CADM1: variants seen among roughly 807,000 people sequenced by gnomAD.
CADM1 encodes the protein TSLC-1.
CADM1 carries 15 observed loss-of-function variants against 53.1 expected under a neutral mutation model. The observed-to-expected ratio is 0.28, with a 90% CI of 0.19 to 0.44. The LOEUF is 0.44. Ranked by LOEUF, CADM1 falls within the 20% of genes least tolerant of loss-of-function variation. The pLI, the probability that CADM1 is intolerant of heterozygous loss-of-function variation, is 1.00. For missense variants in CADM1, 434 were observed against 611.3 expected (o/e 0.71, Z 3.06); for synonymous variants, 281 against 243.0 (o/e 1.16, Z -1.45).
chr11:115,236,222 G>A (rs1591631685), intron 3 of CADM1, among the ~76,000 whole-genome samples: 1 of 152,250 alleles, frequency 6.6e-6, no homozygotes, highest in Middle Eastern at 3.4e-3. Flanking sequence ...AGATAGCAAC[G>A]AAGATGCTAC....
At chr11:115,378,471 G>C (rs983808604) in intron 1 of CADM1, among the ~76,000 whole-genome samples, 1 of 151,904 alleles carries the variant, frequency 6.6e-6, no homozygotes, top group African/African-American at 2.4e-5. Flanking sequence ...AAAACTGCAC[G>C]GATACAGAGC....
chr11:115,185,976 C>G (rs1939526304), intron 10 of CADM1, among the ~76,000 whole-genome samples: 1 of 152,172 alleles, frequency 6.6e-6, no homozygotes, highest in African/African-American at 2.4e-5. Flanking sequence ...CTCACCGTGG[C>G]CTGCCAACTT....
intron 1 of CADM1, among the ~76,000 whole-genome samples, chr11:115,477,494 C>G (rs945848910): frequency 5.9e-5 from 9 of 152,142 alleles, no homozygotes; most frequent in African/African-American, 2.2e-4. Flanking sequence ...GTCAACAGAT[C>G]CATAAAATAT....
chr11:115,396,319 G>C (rs1028468660), intron 1 of CADM1, among the ~76,000 whole-genome samples: 6 of 152,274 alleles, frequency 3.9e-5, no homozygotes, highest in Admixed American at 2.0e-4. Context: ...AAAAAATGGT[G>C]TATCAATTTA....
intron 1 of CADM1, among the ~76,000 whole-genome samples, chr11:115,474,881 A>G (rs1470586579): frequency 6.6e-6 from 1 of 152,206 alleles, no homozygotes; most frequent in Admixed American, 6.5e-5. Context: ...ATCTCTACAT[A>G]CTTACTAGAA....
intron 1 of CADM1, among the ~76,000 whole-genome samples, chr11:115,318,525 T>G (rs7947198): frequency 0.26 from 39,225 of 152,082 alleles, 5,368 homozygotes; most frequent in East Asian, 0.44. Flanking sequence ...ATCTGGAGAC[T>G]AGGGAGATGT....
At chr11:115,387,234 T>C (rs1415313091) in intron 1 of CADM1, among the ~76,000 whole-genome samples, 1 of 152,212 alleles carries the variant, frequency 6.6e-6, no homozygotes, top group Non-Finnish European at 1.5e-5. Context: ...ATGAACCCCA[T>C]TTGCTATAAA....
intron 1 of CADM1, among the ~76,000 whole-genome samples, chr11:115,271,376 G>A (rs562208813): frequency 2.0e-4 from 31 of 152,176 alleles, no homozygotes; most frequent in African/African-American, 6.5e-4. Context: ...TCTGCCTCCC[G>A]GGTTCATGCC....
In CADM1 at chr11:115,404,349, ATATATAT is replaced by A. The variant is rs1565410053; in HGVS notation, c.124+99915_124+99921del. On this transcript the variant is annotated intron_variant, in intron 1 of 11. Coordinates refer to ENST00000331581, the MANE Select transcript of CADM1 (RefSeq NM_001301043.2). ...TCGGAAAAAAAAAAAAAAAAAAAAT[ATATATAT>A]ATATATATATATATATATATATATA... 8.8e-3 allele frequency among the ~76,000 whole-genome samples: 203 copies of A among 23,182 alleles called. 5 individuals are homozygous for A. The highest frequency in any genetic ancestry group is 0.067 in the Middle Eastern group (2 of 30). The allele number at this position is 23,182 out of a possible 152,430, so 15.2% of individuals were successfully genotyped here.
At chr11:115,305,935 A>G (rs998918223) in intron 1 of CADM1, among the ~76,000 whole-genome samples, 1 of 151,114 alleles carries the variant, frequency 6.6e-6, no homozygotes, top group African/African-American at 2.4e-5. Context: ...TATGCCATGT[A>G]AACTTTCAGG....
In CADM1 at chr11:115,169,704, C is replaced by A. The variant is rs1434779259; in HGVS notation, c.*6770G>T. Reference sequence around the variant, plus strand: ...ACTAGCTAACAGAGACTGATTAGTGCAGAAGATTCCCTTCCATAGCAATAC... The same window carrying A: ...ACTAGCTAACAGAGACTGATTAGTGAAGAAGATTCCCTTCCATAGCAATAC... On this transcript the variant is annotated 3_prime_UTR_variant, in exon 12 of 12. Transcript: ENST00000331581. 1 of 447,660 alleles carries A rather than the reference C, an allele frequency of 2.2e-6. No individual in the cohort carries two copies. Among genetic ancestry groups the A allele is most frequent in the Non-Finnish European group, 4.5e-6 (1 of 223,006 alleles). 27.7% of individuals were successfully genotyped at this position (447,660 alleles called of 1,614,324 possible). A position where few individuals can be genotyped will look rare whatever the true frequency, so the allele number is the denominator to read the frequency against.
rs146588030 is a variant in CADM1 at position 115,468,542 on chromosome 11, G to GGT, written c.124+35727_124+35728dup. 5.0e-3 allele frequency among the ~76,000 whole-genome samples: 766 copies of GGT among 152,200 alleles called. 6 individuals are homozygous for GGT. Among genetic ancestry groups the GGT allele is most frequent in the African/African-American group, 0.018 (734 of 41,544 alleles). On this transcript the variant is annotated intron_variant, in intron 1 of 11. Transcript: ENST00000331581. The stretch of plus-strand genomic sequence containing the variant: ...GCCAAGGTACCTTATGTCTTACAGG[G>GGT]GTGTGTCTGTGTGAGTGCTGTGCAT...
At chr11:115,262,974 T>C (rs1044147925) in intron 1 of CADM1, among the ~76,000 whole-genome samples, 1 of 152,262 alleles carries the variant, frequency 6.6e-6, no homozygotes, top group Non-Finnish European at 1.5e-5. Context: ...CAACACTGCA[T>C]GATTGTGACA....
intron 3 of CADM1, among the ~76,000 whole-genome samples, chr11:115,234,893 C>CCAAAAA (rs1491516911): frequency 1.3e-5 from 1 of 75,388 alleles, no homozygotes; most frequent in African/African-American, 5.3e-5. Context: ...ACTCCGTCTC[C>CCAAAAA]AAAAAAAAAA....
At chr11:115,280,339 A>C (rs954174036) in intron 1 of CADM1, among the ~76,000 whole-genome samples, 1 of 152,206 alleles carries the variant, frequency 6.6e-6, no homozygotes, top group Non-Finnish European at 1.5e-5. Flanking sequence ...TGGCCACAAA[A>C]TGGAATGCCT....
chr11:115,200,502 C>A (rs11823428), intron 8 of CADM1, among the ~76,000 whole-genome samples: 64,306 of 150,814 alleles, frequency 0.43, 14,674 homozygotes, highest in Non-Finnish European at 0.53. Context: ...CTTTTCTTTT[C>A]TTTTTTTTTT....
chr11:115,169,746 C>A lies in CADM1; in HGVS notation c.*6728G>T. ...TAGCAATACTTTTTAATCAGGTCTG[C>A]TGTGTCTGGGCAAACAGCTTTTGTG... On this transcript the variant is annotated 3_prime_UTR_variant, in exon 12 of 12. Transcript: ENST00000331581. 1 of 376,870 alleles carries A rather than the reference C, an allele frequency of 2.7e-6. No homozygotes were observed. 23.3% of individuals were successfully genotyped at this position (376,870 alleles called of 1,614,324 possible).
At chr11:115,365,628 CT>C (rs1271116842) in intron 1 of CADM1, among the ~76,000 whole-genome samples, 7 of 151,902 alleles carry the variant, frequency 4.6e-5, no homozygotes, top group Admixed American at 3.9e-4. Flanking sequence ...TTTGTTATGA[CT>C]TTTTTTGATT....
rs745551137 is a variant in CADM1, at chr11:115,217,975, G to T, written c.738C>A (p.His246Gln). The T allele has an allele frequency of 6.2e-7, 1 of 1,612,380 alleles. No homozygotes were observed. The highest frequency in any genetic ancestry group is 2.2e-5 in the East Asian group (1 of 44,842). Residue 246 changes from histidine to glutamine, a missense_variant, in exon 6 of 12, where the codon CAC becomes CAA. Physicochemically the swap from His to Gln is conservative, Grantham distance 24. Transcript: ENST00000331581. The part of the protein sequence containing the change: ...YLEVQYKPQV[H>Q]IQMTYPLQGL... ...CTTGTAGAGGATAAGTCATCTGAAT[G>T]TGCACTTGAGGCTTATCTGTGTGAC...
Sources: allele counts gnomAD v4.1 joint callset (sites outside exome capture counted in the v4.1 genomes callset), GRCh38; gene constraint gnomAD v4.1.1; transcripts MANE v1.5; gene names NCBI Gene and HGNC (gene_info 2026-07-23, HGNC 2026-07-21).